Variants in FCF1 observed in about 807,000 individuals in gnomAD.
FCF1 encodes the protein rRNA-processing protein FCF1 homolog.
Under a neutral mutation model 32.5 loss-of-function variants are expected in FCF1, and 17 were observed. The ratio of observed to expected loss-of-function variants is 0.52; its 90% CI spans 0.36 to 0.78. FCF1 has a LOEUF of 0.78. Among genes scored for constraint, FCF1 ranks in the 30% least tolerant of loss-of-function variants. The pLI, the probability that FCF1 is intolerant of heterozygous loss-of-function variation, is 0.00. For missense variants in FCF1, 201 were observed against 241.1 expected (o/e 0.83, Z 1.10); for synonymous variants, 84 against 78.4 (o/e 1.07, Z -0.38).
rs961374070 is a variant in FCF1 at position 74,734,294 on chromosome 14, T to C, written c.548+124T>C. ...ATTGTATCAAATGTTTACATAGTTA[T>C]ATTTGAAGAAATGAGACAAAGCAAG... On this transcript the variant is annotated intron_variant, in intron 7 of 7. Transcript: ENST00000341162. The C allele has an allele frequency of 4.4e-5, 26 of 592,374 alleles. 1 individual carries two copies. The highest frequency in any genetic ancestry group is 4.3e-4 in the African/African-American group (23 of 54,090). The allele number at this position is 592,374 out of a possible 1,614,324, so 36.7% of individuals were successfully genotyped here.
At chr14:74,718,455 G>A (rs2063056058) in intron 4 of FCF1, among the ~76,000 whole-genome samples, 1 of 151,876 alleles carries the variant, frequency 6.6e-6, no homozygotes, top group African/African-American at 2.4e-5. Flanking sequence ...ACATTGCCTT[G>A]TTTCATGATC....
Position 74,715,561 on chromosome 14 carries a change from T to C in FCF1, c.144-390T>C, listed in dbSNP as rs2090406768. ...TCCTAACACTAGACAAACTGTTCTC[T>C]ATCACATTCCATAACAGCAGTTTTA... On this transcript the variant is annotated intron_variant, in intron 3 of 7. Transcript: ENST00000341162. The C allele has an allele frequency of 8.7e-6, 3 of 345,534 alleles. 1 individual carries two copies. The allele number at this position is 345,534 out of a possible 1,614,324, so 21.4% of individuals were successfully genotyped here.
At chr14:74,720,517 G>A (rs2090486488) in intron 4 of FCF1, among the ~76,000 whole-genome samples, 1 of 152,112 alleles carries the variant, frequency 6.6e-6, no homozygotes, top group Non-Finnish European at 1.5e-5. Context: ...GTTTGTATCA[G>A]TACTTCATTT....
intron 5 of FCF1, 34 bp downstream of exon 5, chr14:74,723,378 TGGTA>T: frequency 1.4e-6 from 2 of 1,431,972 alleles, no homozygotes; most frequent in Non-Finnish European, 2.0e-6. Context: ...TGTTCTAGAT[TGGTA>T]TACTGAAGAT....
chr14:74,718,872 C>T (rs1231739143), intron 4 of FCF1, among the ~76,000 whole-genome samples: 1 of 151,854 alleles, frequency 6.6e-6, no homozygotes, highest in East Asian at 1.9e-4. Context: ...TAAAAATTAG[C>T]CAGGGGGCCA....
intron 2 of FCF1, among the ~76,000 whole-genome samples, chr14:74,714,199 A>G (rs2140015553): frequency 6.6e-6 from 1 of 152,336 alleles, no homozygotes; most frequent in South Asian, 2.1e-4. Context: ...CACGCCTGTA[A>G]TCCCAGCACT....
intron 3 of FCF1, 119 bp from the exon 4 acceptor site, chr14:74,715,832 A>G (rs750839439): frequency 6.2e-7 from 1 of 1,604,658 alleles, no homozygotes; most frequent in Non-Finnish European, 8.5e-7. Context: ...ATTTATTTCC[A>G]ATGAACATGG....
At chr14:74,717,019 T>A (rs544078272) in intron 4 of FCF1, among the ~76,000 whole-genome samples, 1 of 81,574 alleles carries the variant, frequency 1.2e-5, no homozygotes, top group East Asian at 4.3e-4. Flanking sequence ...ATTCTTTAGA[T>A]GCCCAAAAAT....
At chr14:74,734,505 AT>A (rs1170128517) in intron 7 of FCF1, among the ~76,000 whole-genome samples, 1 of 148,834 alleles carries the variant, frequency 6.7e-6, no homozygotes, top group African/African-American at 2.5e-5. Context: ...CATCTGAGAA[AT>A]GGAAAGCTTA....
intron 5 of FCF1, among the ~76,000 whole-genome samples, chr14:74,726,149 C>T (rs963562429): frequency 7.3e-5 from 11 of 151,652 alleles, no homozygotes; most frequent in East Asian, 3.9e-4. Context: ...TAGAGTTATG[C>T]GCCAATGTGG....
At chr14:74,724,821 C>T (rs1488950670) in intron 5 of FCF1, among the ~76,000 whole-genome samples, 1 of 152,004 alleles carries the variant, frequency 6.6e-6, no homozygotes, top group Non-Finnish European at 1.5e-5. Flanking sequence ...GGGAAGATTG[C>T]TTGAGCCCAG....
In FCF1 at chr14:74,723,329, A is replaced by G; in HGVS notation, c.350A>G (p.Tyr117Cys). The change falls in exon 5 of 8, where the codon TAT (tyrosine) becomes TGT (cysteine). Residue 117 changes from tyrosine (Y) to cysteine (C), a missense_variant. Physicochemically the swap from Tyr to Cys is radical, Grantham distance 194 (BLOSUM62 -2). Transcript: ENST00000341162. ...MAEIEKLGQK[Y>C]RVALRIAKDP... ...GAAATTGAGAAATTGGGGCAGAAGT[A>G]TCGAGTGGCTCTAAGGTAGGAAGGA... 1.2e-6 allele frequency: 2 copies of G among 1,613,256 alleles called. No individual in the cohort carries two copies. The highest frequency in any genetic ancestry group is 1.7e-6 in the Non-Finnish European group (2 of 1,179,308).
In FCF1 at chr14:74,736,702, G is replaced by A. The variant is rs573385998; in HGVS notation, c.*1772G>A. Reference sequence around the variant, plus strand: ...ATTTACAATAAAAAATTTTTGTTGCGTCTTTTTAGAAATCAGATATTCTGA... The same window carrying A: ...ATTTACAATAAAAAATTTTTGTTGCATCTTTTTAGAAATCAGATATTCTGA... On this transcript the variant is annotated 3_prime_UTR_variant, in exon 8 of 8. Transcript: ENST00000341162. 7 of 152,052 alleles carry A rather than the reference G, an allele frequency of 4.6e-5. No individual in the cohort carries two copies. In the South Asian group the frequency reaches 8.3e-4, roughly 18 times the overall value. 9.4% of individuals were successfully genotyped at this position (152,052 alleles called of 1,614,324 possible). A position where few individuals can be genotyped will look rare whatever the true frequency, so the allele number is the denominator to read the frequency against.
chr14:74,718,193 C>T (rs979073538), intron 4 of FCF1, among the ~76,000 whole-genome samples: 2 of 152,096 alleles, frequency 1.3e-5, no homozygotes, highest in African/African-American at 4.8e-5. Context: ...AAAGGAAGGC[C>T]TTTCTCTTCC....
In FCF1 at chr14:74,713,153, T is replaced by G; in HGVS notation, c.-45T>G. The stretch of plus-strand genomic sequence containing the variant: ...GCAGTATGTGAATGACGTAGAAGTA[T>G]TGCGCCGTTGGTGATTACGGAAGAA... On this transcript the variant is annotated 5_prime_UTR_variant, in exon 1 of 8. Coordinates refer to ENST00000341162, the MANE Select transcript of FCF1 (RefSeq NM_015962.5). 6.2e-7 allele frequency: 1 copy of G among 1,614,132 alleles called. No homozygotes were observed. The highest frequency in any genetic ancestry group is 8.5e-7 in the Non-Finnish European group (1 of 1,180,016).
chr14:74,734,746 A>G, intron 7 of FCF1, 136 bp from the exon 8 acceptor site: 1 of 700,712 alleles, frequency 1.4e-6, no homozygotes, highest in Non-Finnish European at 2.6e-6. Flanking sequence ...ATTCATTATG[A>G]TGTTCCCCTA....
chr14:74,731,816 A>T (rs1255784836), intron 5 of FCF1, among the ~76,000 whole-genome samples: 1 of 152,186 alleles, frequency 6.6e-6, no homozygotes, highest in Non-Finnish European at 1.5e-5. Context: ...TGCACTTGGT[A>T]CATATGTGCT....
intron 4 of FCF1, among the ~76,000 whole-genome samples, chr14:74,721,532 C>G (rs1183096370): frequency 6.6e-6 from 1 of 152,070 alleles, no homozygotes; most frequent in Non-Finnish European, 1.5e-5. Context: ...GAAACCTTGT[C>G]TTTACTAAAA....
intron 5 of FCF1, among the ~76,000 whole-genome samples, chr14:74,724,229 T>G (rs1489690062): frequency 6.6e-6 from 1 of 152,188 alleles, no homozygotes; most frequent in Non-Finnish European, 1.5e-5. Flanking sequence ...CTACAGGTAA[T>G]TAAATTGGTT....
Sources: allele counts gnomAD v4.1 joint callset (sites outside exome capture counted in the v4.1 genomes callset), GRCh38; gene constraint gnomAD v4.1.1; transcripts MANE v1.5; gene names NCBI Gene and HGNC (gene_info 2026-07-23, HGNC 2026-07-21).